Variants in DSCAM observed in about 807,000 individuals in gnomAD.
DSCAM encodes DS cell adhesion molecule, also known as cell adhesion molecule DSCAM.
Under a neutral mutation model 217.7 loss-of-function variants are expected in DSCAM, and 47 were observed. That is an observed-to-expected ratio of 0.22 (90% CI 0.17 to 0.28). DSCAM has a LOEUF of 0.28. Among genes scored for constraint, DSCAM ranks in the 10% least tolerant of loss-of-function variants. The pLI, the probability that DSCAM is intolerant of heterozygous loss-of-function variation, is 1.00. For missense variants in DSCAM, 2,080 were observed against 2,618.3 expected, an observed-to-expected ratio of 0.79 and a Z score of 4.49; for synonymous variants, 1,056 against 1,015.3, an observed-to-expected ratio of 1.04 and a Z score of -0.76.
intron 9 of DSCAM, among the ~76,000 whole-genome samples, chr21:40,300,629 A>G (rs544285645): frequency 1.3e-5 from 2 of 152,346 alleles, no homozygotes; most frequent in African/African-American, 4.8e-5. Context: ...ACAATTGTCC[A>G]TCACTGAGGG....
intron 1 of DSCAM, among the ~76,000 whole-genome samples, chr21:40,818,920 C>A (rs78823543): frequency 0.09 from 13,728 of 152,068 alleles, 665 homozygotes; most frequent in South Asian, 0.1. Context: ...CTTTTTCTGG[C>A]TTTAAAATAA....
At chr21:40,466,650 G>A (rs908867073) in intron 3 of DSCAM, among the ~76,000 whole-genome samples, 1 of 152,112 alleles carries the variant, frequency 6.6e-6, no homozygotes, top group Non-Finnish European at 1.5e-5. Context: ...TAAGGAATGT[G>A]ATCCTATGAC....
At chr21:40,376,648 C>CTA (rs1569093200) in intron 3 of DSCAM, among the ~76,000 whole-genome samples, 11 of 141,966 alleles carry the variant, frequency 7.7e-5, no homozygotes, top group Non-Finnish European at 1.4e-4. Flanking sequence ...ATATAGATAT[C>CTA]GATATCTATA....
chr21:40,256,279 G>C (rs181045147), intron 11 of DSCAM, among the ~76,000 whole-genome samples: 128 of 152,288 alleles, frequency 8.4e-4, no homozygotes, highest in African/African-American at 3.0e-3. Context: ...TATTTAGGCT[G>C]TGGGTGCTAC....
intron 27 of DSCAM, among the ~76,000 whole-genome samples, chr21:40,071,122 C>T (rs528284453): frequency 3.9e-5 from 6 of 152,280 alleles, no homozygotes; most frequent in East Asian, 1.9e-4. Flanking sequence ...TTACTTGACA[C>T]GGGATCACAT....
intron 3 of DSCAM, among the ~76,000 whole-genome samples, chr21:40,492,580 AC>A (rs2076084756): frequency 6.6e-6 from 1 of 152,154 alleles, no homozygotes; most frequent in South Asian, 2.1e-4. Context: ...GCTAGAAAAT[AC>A]AATCGAGGAG....
At chr21:40,380,864 C>T (rs1423321227) in intron 3 of DSCAM, among the ~76,000 whole-genome samples, 1 of 151,768 alleles carries the variant, frequency 6.6e-6, no homozygotes, top group Non-Finnish European at 1.5e-5. Flanking sequence ...GAGATCGAGA[C>T]CATCCTGGCT....
At chr21:40,747,828 TAG>T (rs2146555162) in intron 1 of DSCAM, among the ~76,000 whole-genome samples, 1 of 151,680 alleles carries the variant, frequency 6.6e-6, no homozygotes, top group Non-Finnish European at 1.5e-5. Context: ...CTCAAGAAAA[TAG>T]TACCAAACTG....
intron 1 of DSCAM, among the ~76,000 whole-genome samples, chr21:40,765,346 T>TTCC (rs980348254): frequency 6.9e-6 from 1 of 145,952 alleles, no homozygotes; most frequent in South Asian, 2.3e-4. Context: ...GAGGAGGCAC[T>TTCC]TCCTCCTCCT....
chr21:40,266,635 T>A (rs1332403725), intron 11 of DSCAM, among the ~76,000 whole-genome samples: 4 of 62,628 alleles, frequency 6.4e-5, no homozygotes, highest in African/African-American at 8.4e-5. Flanking sequence ...CAAAGATGTT[T>A]TATATATATA....
chr21:40,353,479 C>T lies in DSCAM; in HGVS notation c.920G>A (p.Arg307His), dbSNP rs375728012. 65 of 1,604,514 alleles carry T rather than the reference C, an allele frequency of 4.1e-5. No individual in the cohort carries two copies. The highest frequency in any genetic ancestry group is 1.7e-4 in the Middle Eastern group (1 of 6,012). ...NRYGTAKVIG[R>H]LYVKQPLKAT... is the part of the protein sequence containing the mutation. ...GTCCAACTTACGTTTCACGTACAGG[C>T]GGCCTATCACCTTAGCAGTTCCGTA... The change falls in exon 5 of 33, where the codon CGC becomes CAC. Residue 307 changes from arginine (R) to histidine (H), a missense_variant. Around this residue, in one of 5 missense-constraint regions of DSCAM, gnomAD observed 568 missense variants for 678.1 expected, o/e 0.84. Coordinates refer to ENST00000400454, the MANE Select transcript of DSCAM (RefSeq NM_001389.5).
At chr21:40,732,380 T>C (rs896221533) in intron 1 of DSCAM, among the ~76,000 whole-genome samples, 1 of 152,224 alleles carries the variant, frequency 6.6e-6, no homozygotes, top group Non-Finnish European at 1.5e-5. Flanking sequence ...GAATGGTGTA[T>C]TGGAGATGCC....
At chr21:40,650,557 A>G (rs1462617403) in intron 3 of DSCAM, among the ~76,000 whole-genome samples, 2 of 152,232 alleles carry the variant, frequency 1.3e-5, no homozygotes, top group Non-Finnish European at 2.9e-5. Flanking sequence ...TAGAACAGAA[A>G]GGCAGAAGAA....
At chr21:40,810,531 C>A (rs1176247180) in intron 1 of DSCAM, among the ~76,000 whole-genome samples, 11 of 152,078 alleles carry the variant, frequency 7.2e-5, no homozygotes, top group Non-Finnish European at 1.5e-4. Flanking sequence ...GGATCCTGGC[C>A]CCATCACTAA....
intron 2 of DSCAM, among the ~76,000 whole-genome samples, 190 bp downstream of exon 2, chr21:40,708,264 G>A (rs748090151): frequency 6.6e-6 from 1 of 152,184 alleles, no homozygotes; most frequent in Non-Finnish European, 1.5e-5. Flanking sequence ...TCAAGGTTTA[G>A]TTCCAACAAT....
Position 40,094,429 on chromosome 21 carries a change from G to C in DSCAM, c.3697-555C>G, listed in dbSNP as rs189951837. On this transcript the variant is annotated intron_variant, in intron 20 of 32. Transcript: ENST00000400454. ...AGAGCTGAGAGCCTGAAGGAAGCTA[G>C]AGTTCACAAGGAAGAGCACTGGAAA... Among the ~76,000 whole-genome samples, 30 of 152,304 alleles carry C rather than the reference G, an allele frequency of 2.0e-4. No homozygotes were observed. In the East Asian group the frequency reaches 5.6e-3, roughly 29 times the overall value.
chr21:40,092,119 A>G (rs1048481315), intron 21 of DSCAM, among the ~76,000 whole-genome samples: 5 of 152,136 alleles, frequency 3.3e-5, no homozygotes, highest in African/African-American at 1.2e-4. Context: ...ATTCTAGACA[A>G]TAGGATATTA....
At chr21:40,784,496 C>T (rs752558825) in intron 1 of DSCAM, among the ~76,000 whole-genome samples, 3 of 152,160 alleles carry the variant, frequency 2.0e-5, no homozygotes, top group African/African-American at 4.8e-5. Flanking sequence ...ACTAATACAA[C>T]GTGCTTTGGA....
intron 3 of DSCAM, among the ~76,000 whole-genome samples, chr21:40,425,876 G>GT (rs2075470206): frequency 6.6e-6 from 1 of 151,932 alleles, no homozygotes; most frequent in Admixed American, 6.6e-5. Flanking sequence ...AACTATATAT[G>GT]TTATATATGT....
Sources: allele counts gnomAD v4.1 joint callset (sites outside exome capture counted in the v4.1 genomes callset), GRCh38; gene constraint gnomAD v4.1.1; regional missense constraint gnomAD v4.1.1; transcripts MANE v1.5; gene names NCBI Gene and HGNC (gene_info 2026-07-23, HGNC 2026-07-21).